Variants in NTNG1 observed in about 807,000 individuals in gnomAD.
NTNG1 encodes netrin-G1.
NTNG1 carries 16 observed loss-of-function variants against 54.0 expected under a neutral mutation model. The ratio of observed to expected loss-of-function variants is 0.30; its 90% CI spans 0.20 to 0.45. NTNG1 has a LOEUF of 0.45. NTNG1 is among the 20% of genes least tolerant of loss of function. The probability of loss-of-function intolerance (pLI) is 1.00; values close to 1 mark genes in which losing one functional copy is unlikely to be tolerated. For missense variants in NTNG1, 530 were observed against 678.7 expected (o/e 0.78, Z 2.43); for synonymous variants, 255 against 263.1 (o/e 0.97, Z 0.30).
chr1:107,370,024 C>G lies in NTNG1; in HGVS notation c.888-25130C>G, dbSNP rs1383243239. Among the ~76,000 whole-genome samples the G allele has an allele frequency of 2.6e-5, 4 of 151,944 alleles. No individual in the cohort carries two copies. The East Asian group carries it at 7.7e-4, about 29-fold the overall frequency. On this transcript the variant is annotated intron_variant, in intron 3 of 7. Transcript: ENST00000370068. ...GTGTCTTTGCATTTTTGTCAAAAAT[C>G]AGTTGTGTATATATGCGTGGCCTAT...
chr1:107,153,815 G>A (rs536220967), intron 2 of NTNG1, among the ~76,000 whole-genome samples: 2 of 152,324 alleles, frequency 1.3e-5, no homozygotes, highest in South Asian at 4.1e-4. Context: ...CTGATTGGAA[G>A]GGGACAACTG....
At chr1:107,452,021 G>A (rs915577202) in intron 7 of NTNG1, among the ~76,000 whole-genome samples, 2 of 152,114 alleles carry the variant, frequency 1.3e-5, no homozygotes, top group Admixed American at 1.3e-4. Context: ...CACTTACTAA[G>A]TGTGTCTTGT....
chr1:107,332,309 A>AT (rs149157863), intron 3 of NTNG1, among the ~76,000 whole-genome samples: 12,873 of 152,076 alleles, frequency 0.085, 682 homozygotes, highest in Middle Eastern at 0.12. Context: ...AGTGCCATAG[A>AT]TTTTTTAAGC....
intron 2 of NTNG1, among the ~76,000 whole-genome samples, chr1:107,290,907 G>T (rs1484360335): frequency 6.7e-6 from 1 of 148,950 alleles, no homozygotes; most frequent in African/African-American, 2.5e-5. Flanking sequence ...CAATGAATTA[G>T]ATTGTTTAAA....
At chr1:107,288,405 C>T (rs1665349201) in intron 2 of NTNG1, among the ~76,000 whole-genome samples, 1 of 152,012 alleles carries the variant, frequency 6.6e-6, no homozygotes, top group Non-Finnish European at 1.5e-5. Context: ...GTTTGAGAGG[C>T]ATTTGCATTG....
chr1:107,394,062 C>T (rs893576428), intron 3 of NTNG1, among the ~76,000 whole-genome samples: 4 of 151,666 alleles, frequency 2.6e-5, no homozygotes, highest in Admixed American at 2.6e-4. Flanking sequence ...CTGTCAATCT[C>T]TCTCTCTCTC....
chr1:107,149,861 A>G (rs1174413214), intron 2 of NTNG1, among the ~76,000 whole-genome samples: 9 of 152,102 alleles, frequency 5.9e-5, no homozygotes, highest in Non-Finnish European at 1.2e-4. Flanking sequence ...GATTTTAATA[A>G]TAATCTTACC....
At chr1:107,342,151 A>G (rs1668937391) in intron 3 of NTNG1, among the ~76,000 whole-genome samples, 1 of 152,134 alleles carries the variant, frequency 6.6e-6, no homozygotes, top group South Asian at 2.1e-4. Flanking sequence ...AGCAAAGTAG[A>G]CTTATGAAAA....
At chr1:107,417,597 C>T (rs1018389316) in intron 5 of NTNG1, among the ~76,000 whole-genome samples, 5 of 152,014 alleles carry the variant, frequency 3.3e-5, no homozygotes, top group Non-Finnish European at 5.9e-5. Flanking sequence ...TCATGCCTGT[C>T]CACATATCGG....
intron 5 of NTNG1, among the ~76,000 whole-genome samples, chr1:107,420,168 G>GC (rs1471854441): frequency 6.6e-6 from 1 of 152,006 alleles, no homozygotes; most frequent in Non-Finnish European, 1.5e-5. Flanking sequence ...CCTGAAATAG[G>GC]CCCATTTAAT....
rs558303561 is a variant in NTNG1 at position 107,239,180 on chromosome 1, C to T, written c.247-85102C>T. Among the ~76,000 whole-genome samples the T allele has an allele frequency of 3.9e-5, 6 of 152,210 alleles. No homozygotes were observed. The East Asian group carries it at 5.8e-4, about 15-fold the overall frequency. On this transcript the variant is annotated intron_variant, in intron 2 of 7. Coordinates refer to ENST00000370068, the MANE Select transcript of NTNG1 (RefSeq NM_001113226.3). ...TAGGCCTAGAAGGAGTAGAAAGTAACAGATAAGAAGCTGAGCAAGCAACAT... is the reference window on the plus strand; with the variant it reads ...TAGGCCTAGAAGGAGTAGAAAGTAATAGATAAGAAGCTGAGCAAGCAACAT...
intron 3 of NTNG1, among the ~76,000 whole-genome samples, chr1:107,332,864 A>G (rs999516813): frequency 5.9e-5 from 9 of 152,078 alleles, no homozygotes; most frequent in African/African-American, 2.2e-4. Flanking sequence ...CATGGTTACT[A>G]TTTCTACCTC....
chr1:107,433,844 C>T (rs183352387), intron 6 of NTNG1, among the ~76,000 whole-genome samples: 7 of 152,260 alleles, frequency 4.6e-5, no homozygotes, highest in African/African-American at 7.2e-5. Context: ...CTCTCAGGGC[C>T]GTTGGAAGCC....
intron 2 of NTNG1, among the ~76,000 whole-genome samples, chr1:107,169,467 G>T (rs528860413): frequency 6.6e-6 from 1 of 152,064 alleles, no homozygotes; most frequent in East Asian, 1.9e-4. Flanking sequence ...CTCATTTGCT[G>T]GTCCTTAGAG....
intron 2 of NTNG1, among the ~76,000 whole-genome samples, chr1:107,187,186 G>A (rs1657524589): frequency 6.6e-6 from 1 of 151,984 alleles, no homozygotes; most frequent in Non-Finnish European, 1.5e-5. Flanking sequence ...TTAAAAGAGT[G>A]TATTTATTTG....
chr1:107,425,894 G>T (rs926069117), intron 5 of NTNG1, among the ~76,000 whole-genome samples: 1 of 151,948 alleles, frequency 6.6e-6, no homozygotes, highest in African/African-American at 2.4e-5. Context: ...AAGATGGCAC[G>T]TTAGTGTGAT....
At chr1:107,474,528 A>G (rs1301438869) in intron 7 of NTNG1, among the ~76,000 whole-genome samples, 2 of 152,238 alleles carry the variant, frequency 1.3e-5, no homozygotes, top group Admixed American at 1.3e-4. Flanking sequence ...AGAGAGTCCC[A>G]TGATTAACTA....
chr1:107,187,340 C>T (rs1657540334), intron 2 of NTNG1, among the ~76,000 whole-genome samples: 1 of 152,026 alleles, frequency 6.6e-6, no homozygotes, highest in African/African-American at 2.4e-5. Context: ...GTTGATCTAA[C>T]AGCTAGCTTT....
intron 7 of NTNG1, among the ~76,000 whole-genome samples, chr1:107,477,203 G>C (rs1221655085): frequency 6.6e-6 from 1 of 152,188 alleles, no homozygotes; most frequent in African/African-American, 2.4e-5. Context: ...ATGCTGAGTA[G>C]AGCCTCCTTG....
Sources: allele counts gnomAD v4.1 joint callset (sites outside exome capture counted in the v4.1 genomes callset), GRCh38; gene constraint gnomAD v4.1.1; transcripts MANE v1.5; gene names NCBI Gene and HGNC (gene_info 2026-07-23, HGNC 2026-07-21).